Variants in TWSG1 observed in about 807,000 individuals in gnomAD.
TWSG1 encodes the protein twisted gastrulation BMP signaling modulator 1.
Under a neutral mutation model 23.0 loss-of-function variants are expected in TWSG1, and 15 were observed. That is an observed-to-expected ratio of 0.65 (90% CI 0.44 to 1.00). The LOEUF (loss-of-function observed/expected upper bound fraction) is 1.00, where lower values mean the gene tolerates loss of function less well. TWSG1 is among the 50% of genes least tolerant of loss of function. The probability of loss-of-function intolerance (pLI) is 0.00; values close to 1 mark genes in which losing one functional copy is unlikely to be tolerated. For synonymous variants in TWSG1, 86 were observed against 92.8 expected (o/e 0.93, Z 0.42); for missense variants, 242 against 278.7 (o/e 0.87, Z 0.94).
intron 2 of TWSG1, among the ~76,000 whole-genome samples, chr18:9,358,759 G>C (rs1419277934): frequency 6.6e-6 from 1 of 152,186 alleles, no homozygotes. Context: ...AGCGATTCAG[G>C]TGTTACATGG....
At chr18:9,372,069 T>G (rs764636435) in intron 3 of TWSG1, among the ~76,000 whole-genome samples, 1 of 152,018 alleles carries the variant, frequency 6.6e-6, no homozygotes, top group Non-Finnish European at 1.5e-5. Context: ...CTGGCCAACG[T>G]TTTTATTCTT....
At chr18:9,346,572 T>C (rs2040478330) in intron 2 of TWSG1, among the ~76,000 whole-genome samples, 1 of 152,012 alleles carries the variant, frequency 6.6e-6, no homozygotes, top group Admixed American at 6.6e-5. Flanking sequence ...AGGCTGAGAA[T>C]TCAAGATTGT....
chr18:9,353,008 G>A (rs1418803194), intron 2 of TWSG1, among the ~76,000 whole-genome samples: 4 of 152,072 alleles, frequency 2.6e-5, no homozygotes, highest in African/African-American at 9.7e-5. Flanking sequence ...TATTTTTATT[G>A]TACCTTTTCT....
At chr18:9,337,933 A>G (rs1229300030) in intron 2 of TWSG1, among the ~76,000 whole-genome samples, 2 of 152,210 alleles carry the variant, frequency 1.3e-5, no homozygotes, top group East Asian at 3.8e-4. Context: ...GATACTTCGA[A>G]GTTATATCTC....
intron 3 of TWSG1, among the ~76,000 whole-genome samples, chr18:9,361,681 C>T (rs1460394478): frequency 2.0e-5 from 3 of 152,168 alleles, no homozygotes; most frequent in Non-Finnish European, 4.4e-5. Flanking sequence ...GGGGTGAGGT[C>T]ACAGTAAACA....
At chr18:9,388,980 G>A (rs1332425035) in intron 3 of TWSG1, among the ~76,000 whole-genome samples, 1 of 151,954 alleles carries the variant, frequency 6.6e-6, no homozygotes, top group African/African-American at 2.4e-5. Context: ...TTGTTTGTTT[G>A]TTTGTTTGTT....
intron 1 of TWSG1, 84 bp from the exon 2 acceptor site, chr18:9,337,109 T>G (rs1422157313): frequency 8.5e-7 from 1 of 1,175,228 alleles, no homozygotes; most frequent in Non-Finnish European, 1.2e-6. Flanking sequence ...ACAATGAGTC[T>G]TAGTTTATGT....
intron 3 of TWSG1, among the ~76,000 whole-genome samples, chr18:9,374,464 C>T (rs1310991067): frequency 6.6e-6 from 1 of 152,088 alleles, no homozygotes; most frequent in Non-Finnish European, 1.5e-5. Context: ...ACACAATCTG[C>T]CAAAACTCAC....
chr18:9,371,012 C>T (rs1209606217), intron 3 of TWSG1, among the ~76,000 whole-genome samples: 2 of 151,126 alleles, frequency 1.3e-5, no homozygotes, highest in Non-Finnish European at 2.9e-5. Context: ...AACTGAATAG[C>T]AGTACCTTTA....
rs1370315155 is a variant in TWSG1 at position 9,401,619 on chromosome 18, A to ATTTGGC, written c.*2095_*2100dup. The ATTTGGC allele has an allele frequency of 6.6e-6, 1 of 152,106 alleles. No individual in the cohort carries two copies. Among genetic ancestry groups the ATTTGGC allele is most frequent in the Non-Finnish European group, 1.5e-5 (1 of 68,006 alleles). The allele number at this position is 152,106 out of a possible 1,614,324, so 9.4% of individuals were successfully genotyped here. A position where few individuals can be genotyped will look rare whatever the true frequency, so the allele number is the denominator to read the frequency against. The stretch of plus-strand genomic sequence containing the variant: ...AAATGTAAAGATCTTTTGCCTTCAA[A>ATTTGGC]TTTGGCTTATTTTTTCTGATTTATG... On this transcript the variant is annotated 3_prime_UTR_variant, in exon 5 of 5. Transcript: ENST00000262120.
intron 3 of TWSG1, 92 bp downstream of exon 3, chr18:9,360,163 G>A (rs2145607639): frequency 2.1e-6 from 2 of 941,144 alleles, no homozygotes; most frequent in Non-Finnish European, 1.7e-6. Flanking sequence ...TAGTTTATGT[G>A]CATAAACAAG....
intron 2 of TWSG1, among the ~76,000 whole-genome samples, chr18:9,348,750 A>T (rs535014934): frequency 6.6e-6 from 1 of 152,348 alleles, no homozygotes; most frequent in South Asian, 2.1e-4. Context: ...CAATGCTATA[A>T]AAGTTTATAA....
chr18:9,371,879 C>T (rs1281787833), intron 3 of TWSG1, among the ~76,000 whole-genome samples: 2 of 150,828 alleles, frequency 1.3e-5, no homozygotes, highest in Non-Finnish European at 2.9e-5. Flanking sequence ...GATTCTCCTG[C>T]CTCAGCCTCC....
intron 3 of TWSG1, among the ~76,000 whole-genome samples, chr18:9,383,191 T>TG (rs72113384): frequency 6.1e-5 from 2 of 32,768 alleles, no homozygotes; most frequent in African/African-American, 2.5e-4. Context: ...ACGTTTTTTT[T>TG]TTGTTTTTTT....
chr18:9,358,150 G>A (rs1315447565), intron 2 of TWSG1, among the ~76,000 whole-genome samples: 1 of 152,060 alleles, frequency 6.6e-6, no homozygotes, highest in Non-Finnish European at 1.5e-5. Context: ...AAGAACTAGA[G>A]CATTATTAGG....
intron 3 of TWSG1, among the ~76,000 whole-genome samples, chr18:9,370,202 C>T (rs2040598285): frequency 6.6e-6 from 1 of 152,030 alleles, no homozygotes; most frequent in Non-Finnish European, 1.5e-5. Context: ...CCTGTAGTCC[C>T]AGCTACTTGG....
intron 3 of TWSG1, among the ~76,000 whole-genome samples, chr18:9,390,042 T>C (rs918640810): frequency 1.7e-4 from 26 of 152,246 alleles, no homozygotes; most frequent in African/African-American, 5.3e-4. Context: ...AAAAATCATC[T>C]AAGCCTTCAG....
intron 3 of TWSG1, among the ~76,000 whole-genome samples, chr18:9,367,154 AT>A (rs1468017990): frequency 6.6e-6 from 1 of 152,102 alleles, no homozygotes; most frequent in Non-Finnish European, 1.5e-5. Flanking sequence ...CTGGTCTTGA[AT>A]TCCTGGACAC....
chr18:9,395,579 G>T (rs113245128), intron 3 of TWSG1, among the ~76,000 whole-genome samples: 1,875 of 152,006 alleles, frequency 0.012, 56 homozygotes, highest in African/African-American at 0.043. Flanking sequence ...CATGTTTATT[G>T]ATTGATTGAT....
Sources: allele counts gnomAD v4.1 joint callset (sites outside exome capture counted in the v4.1 genomes callset), GRCh38; gene constraint gnomAD v4.1.1; transcripts MANE v1.5; gene names NCBI Gene and HGNC (gene_info 2026-07-23, HGNC 2026-07-21).